Variants in CYRIB observed in about 807,000 individuals in gnomAD.
CYRIB encodes CYFIP related Rac1 interactor B, also known as CYFIP-related Rac1 interactor B.
CYRIB carries 8 observed loss-of-function variants against 44.2 expected under a neutral mutation model. The observed-to-expected ratio is 0.18, with a 90% confidence interval of 0.11 to 0.33. The LOEUF (loss-of-function observed/expected upper bound fraction) is 0.33. Among genes scored for constraint, CYRIB ranks in the 10% least tolerant of loss-of-function variants. The pLI, the probability that CYRIB is intolerant of heterozygous loss-of-function variation, is 1.00. For synonymous variants in CYRIB, 131 were observed against 127.2 expected (o/e 1.03, Z -0.20); for missense variants, 185 against 382.8 (o/e 0.48, Z 4.31).
At chr8:130,016,610 C>T (rs911322948), upstream of CYRIB, 1 of 149,768 alleles carries the variant, frequency 6.7e-6, no homozygotes, top group African/African-American at 2.4e-5. Flanking sequence ...TGTTTACCTT[C>T]GAGAAGCCGA....
chr8:129,917,735 T>A (rs1022219749), intron 1 of CYRIB, among the ~76,000 whole-genome samples: 3 of 152,174 alleles, frequency 2.0e-5, no homozygotes, highest in Middle Eastern at 3.4e-3. Context: ...CGCGTGCCTG[T>A]AACCCCAGCT....
intron 2 of CYRIB, among the ~76,000 whole-genome samples, chr8:129,897,963 G>A (rs1453726368): frequency 2.0e-5 from 3 of 151,854 alleles, no homozygotes; most frequent in African/African-American, 7.2e-5. Flanking sequence ...ATGGGGTTTC[G>A]CCATGTTGGC....
At chr8:129,906,105 A>G (rs1323759538) in intron 1 of CYRIB, among the ~76,000 whole-genome samples, 1 of 152,148 alleles carries the variant, frequency 6.6e-6, no homozygotes, top group Non-Finnish European at 1.5e-5. Context: ...AAACTACTTT[A>G]AAGTTCATAT....
Position 129,846,795 on chromosome 8 carries a change from T to C in CYRIB, c.911+9A>G. ...TTTTCTGTACATACGTACACGTACA[T>C]ATACACACCTGAGAGCATTTAGAAG... On this transcript the variant is annotated intron_variant, in intron 11 of 11. Coordinates refer to ENST00000519824, the Ensembl canonical transcript of CYRIB. 6.3e-7 allele frequency: 1 copy of C among 1,583,748 alleles called. No homozygotes were observed. The highest frequency in any genetic ancestry group is 8.6e-7 in the Non-Finnish European group (1 of 1,169,578).
At chr8:129,957,878 T>C (rs993702943) in intron 2 of CYRIB, among the ~76,000 whole-genome samples, 1 of 146,232 alleles carries the variant, frequency 6.8e-6, no homozygotes, top group Non-Finnish European at 1.5e-5. Context: ...GGCAGGAGAA[T>C]GGTGTGAACC....
At chr8:130,002,574 A>T (rs1225942196) in intron 1 of CYRIB, among the ~76,000 whole-genome samples, 1 of 152,106 alleles carries the variant, frequency 6.6e-6, no homozygotes, top group African/African-American at 2.4e-5. Flanking sequence ...GGGAAAGAAT[A>T]TCTCCATATT....
intron 1 of CYRIB, among the ~76,000 whole-genome samples, chr8:129,920,988 G>GT (rs2083271145): frequency 6.6e-6 from 1 of 152,098 alleles, no homozygotes; most frequent in South Asian, 2.1e-4. Flanking sequence ...GAAAAAAATT[G>GT]TAAGTACTAA....
intron 1 of CYRIB, among the ~76,000 whole-genome samples, chr8:130,008,936 A>G (rs1208400437): frequency 6.6e-6 from 1 of 152,166 alleles, no homozygotes; most frequent in Non-Finnish European, 1.5e-5. Flanking sequence ...CTTAGTCTAC[A>G]TGTTCCTCTC....
At chr8:129,924,820 TA>T (rs1214986828) in intron 1 of CYRIB, among the ~76,000 whole-genome samples, 3 of 151,726 alleles carry the variant, frequency 2.0e-5, no homozygotes, top group Non-Finnish European at 4.4e-5. Flanking sequence ...TTTAAAAAAA[TA>T]AAAAAACTTA....
intron 11 of CYRIB, among the ~76,000 whole-genome samples, chr8:129,846,207 CATTAAATAATGACTACTTAA>C (rs2039903351): frequency 1.3e-5 from 2 of 152,056 alleles, no homozygotes; most frequent in Admixed American, 1.3e-4. Flanking sequence ...TAAGAAAAGA[CATTAAATAATGACTACTTAA>C]TTTTTATTGT....
At chr8:130,005,572 G>A (rs977676308) in intron 1 of CYRIB, among the ~76,000 whole-genome samples, 7 of 152,222 alleles carry the variant, frequency 4.6e-5, no homozygotes, top group Non-Finnish European at 7.3e-5. Flanking sequence ...CCCCAAAAGC[G>A]AGATTCTAAC....
intron 1 of CYRIB, among the ~76,000 whole-genome samples, chr8:129,925,629 C>T (rs1471399109): frequency 1.3e-5 from 2 of 152,136 alleles, no homozygotes; most frequent in East Asian, 3.9e-4. Flanking sequence ...TCTCTTAGTC[C>T]AAAAAACTTT....
intron 1 of CYRIB, among the ~76,000 whole-genome samples, chr8:129,937,895 CT>C (rs2093091286): frequency 6.6e-6 from 1 of 152,182 alleles, no homozygotes; most frequent in Non-Finnish European, 1.5e-5. Context: ...CTCTCTCTCT[CT>C]CTCTCTCTCA....
At chr8:129,863,776 A>T (rs1249237516) in intron 4 of CYRIB, among the ~76,000 whole-genome samples, 2 of 152,086 alleles carry the variant, frequency 1.3e-5, no homozygotes, top group Admixed American at 1.3e-4. Flanking sequence ...AAAAATACAT[A>T]TTTTTTTGTC....
At chr8:129,910,760 C>T (rs1029378666) in intron 1 of CYRIB, among the ~76,000 whole-genome samples, 11 of 152,308 alleles carry the variant, frequency 7.2e-5, no homozygotes, top group African/African-American at 2.6e-4. Context: ...AGTGCCACTG[C>T]ACTCCAACAT....
At chr8:129,950,856 A>G (rs1401802932) in intron 2 of CYRIB, among the ~76,000 whole-genome samples, 1 of 152,192 alleles carries the variant, frequency 6.6e-6, no homozygotes, top group African/African-American at 2.4e-5. Flanking sequence ...TTTAGAATTA[A>G]TGAAAATCAC....
intron 2 of CYRIB, among the ~76,000 whole-genome samples, chr8:129,892,153 T>C (rs985587204): frequency 6.6e-6 from 1 of 152,146 alleles, no homozygotes; most frequent in African/African-American, 2.4e-5. Context: ...CACATCCTGC[T>C]ACAATGGTTT....
intron 2 of CYRIB, among the ~76,000 whole-genome samples, chr8:129,961,690 A>C (rs2095265016): frequency 6.6e-6 from 1 of 152,196 alleles, no homozygotes; most frequent in Non-Finnish European, 1.5e-5. Context: ...TCCTGAGTAC[A>C]TGAGTGAAGA....
chr8:129,902,973 T>C (rs1057162211), intron 2 of CYRIB: 2 of 152,466 alleles, frequency 1.3e-5, no homozygotes, highest in Non-Finnish European at 2.9e-5. Context: ...AAAATATATA[T>C]GTACATATAT....
Sources: allele counts gnomAD v4.1 joint callset (sites outside exome capture counted in the v4.1 genomes callset), GRCh38; gene constraint gnomAD v4.1.1; transcripts MANE v1.5; gene names NCBI Gene and HGNC (gene_info 2026-07-23, HGNC 2026-07-21).